ROBO2: variants seen among roughly 807,000 people sequenced by gnomAD.
The protein encoded by ROBO2 is roundabout homolog 2.
Under a neutral mutation model 160.8 loss-of-function variants are expected in ROBO2, and 53 were observed. The ratio of observed to expected loss-of-function variants is 0.33; its 90% confidence interval spans 0.26 to 0.41. The LOEUF (loss-of-function observed/expected upper bound fraction) is 0.41, where lower values mean the gene tolerates loss of function less well. ROBO2 is among the 10% of genes least tolerant of loss of function. The probability of loss-of-function intolerance (pLI) is 1.00; values close to 1 mark genes in which losing one functional copy is unlikely to be tolerated. For missense variants in ROBO2, 1,577 were observed against 1,722.4 expected (o/e 0.92, Z 1.49); for synonymous variants, 664 against 611.7 (o/e 1.09, Z -1.26).
intron 5 of ROBO2, among the ~76,000 whole-genome samples, chr3:77,498,667 C>A (rs144737401): frequency 1.2e-3 from 182 of 151,362 alleles, no homozygotes; most frequent in African/African-American, 4.2e-3. Context: ...CTTAGCCCTG[C>A]AAAATGTGTT....
At chr3:76,999,144 GAGA>G (rs1016484901) in intron 2 of ROBO2, among the ~76,000 whole-genome samples, 5 of 151,808 alleles carry the variant, frequency 3.3e-5, no homozygotes, top group Non-Finnish European at 7.4e-5. Context: ...ACTGAGAGAA[GAGA>G]AGTTTTCCTT....
At chr3:77,381,834 C>G (rs2073511983) in intron 2 of ROBO2, among the ~76,000 whole-genome samples, 1 of 152,110 alleles carries the variant, frequency 6.6e-6, no homozygotes, top group African/African-American at 2.4e-5. Context: ...GTCTTCCTTT[C>G]TTTTCATTTA....
At chr3:76,116,436 T>C (rs1424378546) in intron 2 of ROBO2, among the ~76,000 whole-genome samples, 2 of 152,170 alleles carry the variant, frequency 1.3e-5, no homozygotes, top group Non-Finnish European at 2.9e-5. Context: ...TGTAATTCTA[T>C]TGAATATTAG....
In ROBO2 at chr3:76,451,878, T is replaced by C. The variant is rs536120233; in HGVS notation, c.109+514276T>C. ...CCTCTTGGCTGCAAGAAGATTGTAA[T>C]ATGATCAAGAAACAGGAGAACCTGT... On this transcript the variant is annotated intron_variant, in intron 2 of 26. Coordinates refer to the ROBO2 transcript ENST00000487694. 4.6e-5 allele frequency among the ~76,000 whole-genome samples: 7 copies of C among 152,258 alleles called. No individual in the cohort carries two copies. The East Asian group carries it at 1.4e-3, about 29-fold the overall frequency.
rs1342964925 is a variant in ROBO2, at chr3:77,529,129, T to C, written c.934+6227T>C. Among the ~76,000 whole-genome samples the C allele has an allele frequency of 2.0e-5, 3 of 151,260 alleles. No homozygotes were observed. In the Admixed American group the frequency reaches 2.0e-4, roughly 10 times the overall value. On this transcript the variant is annotated intron_variant, in intron 6 of 25. Coordinates refer to ENST00000461745, the Ensembl canonical transcript of ROBO2. ...TCAAATAAGAAAGCATGTTATTACATATAATAAAATAAAATAAGTGGAAAG... is the reference window on the plus strand; with the variant it reads ...TCAAATAAGAAAGCATGTTATTACACATAATAAAATAAAATAAGTGGAAAG...
chr3:76,645,688 G>A (rs2090930405), intron 2 of ROBO2, among the ~76,000 whole-genome samples: 1 of 152,064 alleles, frequency 6.6e-6, no homozygotes, highest in South Asian at 2.1e-4. Flanking sequence ...AAAGATGTTG[G>A]CGACTAAAGG....
At chr3:76,707,088 A>T (rs754780713) in intron 2 of ROBO2, among the ~76,000 whole-genome samples, 3 of 152,034 alleles carry the variant, frequency 2.0e-5, no homozygotes, top group Non-Finnish European at 4.4e-5. Context: ...TATATAGTGT[A>T]TGTGTATGTA....
intron 2 of ROBO2, among the ~76,000 whole-genome samples, chr3:76,198,696 A>C (rs1603256): frequency 0.047 from 7,119 of 152,214 alleles, 432 homozygotes; most frequent in East Asian, 0.22. Flanking sequence ...ATGAGACTTC[A>C]TCTACATAGT....
At chr3:76,272,054 A>G (rs1053261116) in intron 2 of ROBO2, among the ~76,000 whole-genome samples, 1 of 152,172 alleles carries the variant, frequency 6.6e-6, no homozygotes. Flanking sequence ...ACATCTAAAT[A>G]TGCTCTATAA....
intron 2 of ROBO2, among the ~76,000 whole-genome samples, chr3:76,639,134 A>T (rs1046768178): frequency 6.6e-6 from 1 of 152,142 alleles, no homozygotes; most frequent in Non-Finnish European, 1.5e-5. Flanking sequence ...TAAAAGTAAT[A>T]TATATGTATC....
At chr3:75,958,356 A>C (rs1483314996) in intron 2 of ROBO2, among the ~76,000 whole-genome samples, 4 of 151,802 alleles carry the variant, frequency 2.6e-5, no homozygotes, top group Non-Finnish European at 5.9e-5. Flanking sequence ...ATAGGAATAG[A>C]ATATACCCTG....
intron 20 of ROBO2, among the ~76,000 whole-genome samples, chr3:77,606,919 C>T (rs1473720643): frequency 6.6e-6 from 1 of 152,150 alleles, no homozygotes; most frequent in African/African-American, 2.4e-5. Context: ...CCAAGAAGTA[C>T]TCATTCCTCA....
At chr3:76,917,940 A>G (rs1307832841) in intron 2 of ROBO2, among the ~76,000 whole-genome samples, 1 of 152,232 alleles carries the variant, frequency 6.6e-6, no homozygotes, top group Non-Finnish European at 1.5e-5. Flanking sequence ...AACAGAAATA[A>G]AAACATCCCT....
At chr3:76,304,762 C>A (rs2071249070) in intron 2 of ROBO2, among the ~76,000 whole-genome samples, 1 of 140,132 alleles carries the variant, frequency 7.1e-6, no homozygotes, top group Non-Finnish European at 1.6e-5. Context: ...TTCTTTCTTT[C>A]TTTCTTTCTT....
intron 1 of ROBO2, among the ~76,000 whole-genome samples, chr3:77,048,151 C>CAA (rs2064875427): frequency 6.6e-6 from 1 of 152,184 alleles, no homozygotes; most frequent in Non-Finnish European, 1.5e-5. Flanking sequence ...TTATTATTCC[C>CAA]TGCCTAGTAT....
intron 2 of ROBO2, among the ~76,000 whole-genome samples, chr3:76,326,666 T>C (rs1479268293): frequency 6.6e-6 from 1 of 151,934 alleles, no homozygotes; most frequent in Non-Finnish European, 1.5e-5. Flanking sequence ...ATGTGCACAT[T>C]GTGCAGGTTA....
chr3:76,616,087 C>T (rs2088559329), intron 2 of ROBO2, among the ~76,000 whole-genome samples: 1 of 152,210 alleles, frequency 6.6e-6, no homozygotes, highest in South Asian at 2.1e-4. Flanking sequence ...CTCTGCCACA[C>T]AAACACTTAA....
intron 2 of ROBO2, among the ~76,000 whole-genome samples, chr3:76,335,205 A>G (rs1254657379): frequency 8.9e-6 from 1 of 112,316 alleles, no homozygotes; most frequent in African/African-American, 3.3e-5. Flanking sequence ...TTTTTTTGAG[A>G]CAGAGTCTCT....
At chr3:76,513,354 T>C (rs2081194753) in intron 2 of ROBO2, among the ~76,000 whole-genome samples, 1 of 152,118 alleles carries the variant, frequency 6.6e-6, no homozygotes, top group Non-Finnish European at 1.5e-5. Flanking sequence ...TATCTATTTA[T>C]TTATTTTTAT....
Sources: gnomAD v4.1 joint callset for allele counts (sites outside exome capture counted in the v4.1 genomes callset) on GRCh38, gnomAD v4.1.1 for gene constraint, MANE v1.5 for transcripts, NCBI Gene and HGNC (gene_info 2026-07-23, HGNC 2026-07-21) for gene names.